SPTLC3: variants seen among roughly 807,000 people sequenced by gnomAD.
SPTLC3 encodes the protein serine palmitoyltransferase long chain base subunit 3.
Under a neutral mutation model 59.3 loss-of-function variants are expected in SPTLC3, and 36 were observed. The observed-to-expected ratio is 0.61, with a 90% CI of 0.47 to 0.80. The LOEUF (loss-of-function observed/expected upper bound fraction) is 0.80, where lower values mean the gene tolerates loss of function less well. SPTLC3 is among the 30% of genes least tolerant of loss of function. The pLI is 0.00. For synonymous variants in SPTLC3, 257 were observed against 240.8 expected, an observed-to-expected ratio of 1.07 and a Z score of -0.62; for missense variants, 625 against 685.1, an observed-to-expected ratio of 0.91 and a Z score of 0.98.
intron 7 of SPTLC3, 134 bp from the exon 8 acceptor site, chr20:13,117,372 C>T (rs1004874596): frequency 1.2e-6 from 1 of 818,986 alleles, no homozygotes; most frequent in Middle Eastern, 3.6e-4. Flanking sequence ...TTGTCTCAGC[C>T]AAATAAAACA....
chr20:13,051,929 G>T (rs1385414532), intron 2 of SPTLC3, among the ~76,000 whole-genome samples: 2 of 152,108 alleles, frequency 1.3e-5, no homozygotes, highest in Non-Finnish European at 2.9e-5. Flanking sequence ...CTAAGGCAGT[G>T]CTAAGAGAAA....
intron 1 of SPTLC3, among the ~76,000 whole-genome samples, chr20:13,025,349 T>C (rs1257824886): frequency 6.6e-6 from 1 of 152,116 alleles, no homozygotes; most frequent in African/African-American, 2.4e-5. Context: ...CCTACAGCCT[T>C]ATCACCCTAG....
chr20:13,163,524 C>T (rs2038938231), intron 11 of SPTLC3, among the ~76,000 whole-genome samples: 1 of 152,064 alleles, frequency 6.6e-6, no homozygotes, highest in Admixed American at 6.6e-5. Context: ...TAGAAACTAT[C>T]CCAGAGAGGT....
chr20:13,150,263 A>G (rs566727491), intron 9 of SPTLC3, among the ~76,000 whole-genome samples: 2 of 152,312 alleles, frequency 1.3e-5, no homozygotes, highest in African/African-American at 4.8e-5. Context: ...CTAGTTCTGC[A>G]CTTCCAATAG....
At chr20:13,021,449 G>A (rs1985875799) in intron 1 of SPTLC3, among the ~76,000 whole-genome samples, 1 of 151,716 alleles carries the variant, frequency 6.6e-6, no homozygotes, top group Non-Finnish European at 1.5e-5. Flanking sequence ...GTGTTCCCTT[G>A]CCCTGGGAAA....
intron 6 of SPTLC3, among the ~76,000 whole-genome samples, chr20:13,103,884 A>T (rs1487627675): frequency 6.6e-6 from 1 of 152,200 alleles, no homozygotes; most frequent in Non-Finnish European, 1.5e-5. Context: ...TTTCTTCCGG[A>T]AGACACACTA....
chr20:13,038,278 A>C (rs1986826135), intron 1 of SPTLC3, among the ~76,000 whole-genome samples: 1 of 152,044 alleles, frequency 6.6e-6, no homozygotes, highest in Non-Finnish European at 1.5e-5. Flanking sequence ...TAATTCTTTA[A>C]ATGTTTGGCA....
Position 13,126,644 on chromosome 20 carries a change from C to T in SPTLC3, c.1206C>T (p.Ser402=). 3 of 1,614,060 alleles carry T rather than the reference C, an allele frequency of 1.9e-6. No homozygotes were observed. Among genetic ancestry groups the T allele is most frequent in the East Asian group, 2.2e-5 (1 of 44,878 alleles). Residue 402 remains serine, a synonymous_variant, in exon 9 of 12, where the codon TCC becomes TCT. Coordinates refer to ENST00000399002, the MANE Select transcript of SPTLC3 (RefSeq NM_018327.4). ...VHSHSAVYAS[S]MSPPIAEQII... is the part of the protein sequence containing the mutation. The stretch of plus-strand genomic sequence containing the variant: ...CGCATAGTGCTGTTTATGCTTCATC[C>T]ATGAGCCCACCGATAGCAGAGCAAA...
chr20:13,027,410 C>T (rs1986203650), intron 1 of SPTLC3, among the ~76,000 whole-genome samples: 1 of 151,996 alleles, frequency 6.6e-6, no homozygotes, highest in African/African-American at 2.4e-5. Flanking sequence ...AAATGGGGCT[C>T]AGAAAAGTGA....
chr20:13,116,459 AT>A (rs1298481744), intron 7 of SPTLC3, among the ~76,000 whole-genome samples: 1 of 152,114 alleles, frequency 6.6e-6, no homozygotes, highest in Admixed American at 6.6e-5. Context: ...TTACTGTCAG[AT>A]TTTTTTAATC....
chr20:13,100,864 C>G (rs1044559002), intron 6 of SPTLC3, among the ~76,000 whole-genome samples: 46 of 152,146 alleles, frequency 3.0e-4, no homozygotes, highest in Admixed American at 2.8e-3. Flanking sequence ...AAAATGCAGA[C>G]CCAAGTCTGT....
intron 1 of SPTLC3, among the ~76,000 whole-genome samples, chr20:13,029,964 A>G (rs558860632): frequency 2.0e-5 from 3 of 152,324 alleles, no homozygotes; most frequent in Admixed American, 2.0e-4. Flanking sequence ...TTGGTCTAGC[A>G]TCAGGGGACA....
chr20:13,114,132 G>T (rs1339240896), intron 7 of SPTLC3, among the ~76,000 whole-genome samples: 4 of 152,188 alleles, frequency 2.6e-5, no homozygotes, highest in Non-Finnish European at 5.9e-5. Flanking sequence ...AGTAAACATG[G>T]AAAATGCAAG....
At chr20:13,023,157 G>A (rs925093878) in intron 1 of SPTLC3, among the ~76,000 whole-genome samples, 7 of 151,936 alleles carry the variant, frequency 4.6e-5, no homozygotes, top group Non-Finnish European at 1.0e-4. Flanking sequence ...CACCTTCTCT[G>A]TGGGACTCAG....
At chr20:13,071,730 T>C (rs2122567239) in intron 2 of SPTLC3, among the ~76,000 whole-genome samples, 1 of 152,298 alleles carries the variant, frequency 6.6e-6, no homozygotes, top group Non-Finnish European at 1.5e-5. Context: ...CAACTCAGCG[T>C]TCTTACCTCA....
intron 1 of SPTLC3, among the ~76,000 whole-genome samples, chr20:13,033,432 CA>C (rs750294439): frequency 2.0e-5 from 3 of 152,086 alleles, no homozygotes; most frequent in African/African-American, 4.8e-5. Flanking sequence ...GTGTAGCTTC[CA>C]AGGTCATCTT....
rs1478738196 is a variant in SPTLC3 at position 13,164,309 on chromosome 20, G to A, written c.1546-445G>A. The A allele has an allele frequency of 6.4e-6, 3 of 471,254 alleles. No individual in the cohort carries two copies. The Admixed American group carries it at 7.1e-5, about 11-fold the overall frequency. The allele number at this position is 471,254 out of a possible 1,614,324, so 29.2% of individuals were successfully genotyped here. A position where few individuals can be genotyped will look rare whatever the true frequency, so the allele number is the denominator to read the frequency against. ...GCCTGGGGTAGCATGAGAGGACAGA[G>A]GATGATGTTAATCAGCTCCCGCAAC... On this transcript the variant is annotated intron_variant, in intron 11 of 11. Coordinates refer to ENST00000399002, the MANE Select transcript of SPTLC3 (RefSeq NM_018327.4).
At chr20:13,068,243 T>C (rs1568586684) in intron 2 of SPTLC3, among the ~76,000 whole-genome samples, 3 of 152,214 alleles carry the variant, frequency 2.0e-5, no homozygotes, top group African/African-American at 7.2e-5. Flanking sequence ...CTCACTTCTT[T>C]CTACACTCCA....
chr20:13,106,697 G>T (rs888291333), intron 6 of SPTLC3, among the ~76,000 whole-genome samples: 1 of 152,196 alleles, frequency 6.6e-6, no homozygotes, highest in Non-Finnish European at 1.5e-5. Flanking sequence ...GGCTGCAGGT[G>T]AGCTGGGGTA....
Sources: gnomAD v4.1 joint callset for allele counts (sites outside exome capture counted in the v4.1 genomes callset) on GRCh38, gnomAD v4.1.1 for gene constraint, MANE v1.5 for transcripts, NCBI Gene and HGNC (gene_info 2026-07-23, HGNC 2026-07-21) for gene names.